The following PCBP3 variants were observed in gnomAD, a reference collection of about 807,000 sequenced individuals.
PCBP3 encodes poly(rC)-binding protein 3.
Under a neutral mutation model 52.7 loss-of-function variants are expected in PCBP3, and 25 were observed. The observed-to-expected ratio is 0.47, with a 90% CI of 0.35 to 0.66. The LOEUF (loss-of-function observed/expected upper bound fraction) is 0.66. PCBP3 is among the 30% of genes least tolerant of loss of function. The pLI, the probability that PCBP3 is intolerant of heterozygous loss-of-function variation, is 0.01. For missense variants in PCBP3, 391 were observed against 490.3 expected, an observed-to-expected ratio of 0.80 and a Z score of 1.91; for synonymous variants, 162 against 183.0, an observed-to-expected ratio of 0.89 and a Z score of 0.93.
rs78941976 is a variant in PCBP3, at chr21:45,855,347, C to T, written c.10+5252C>T. On this transcript the variant is annotated intron_variant, in intron 5 of 17. Transcript: ENST00000681687. ...GGAGAGGGCTGGGCATTCTCCCACA[C>T]TCATCCCCAGCTTCACATACACACA... Among the ~76,000 whole-genome samples, 745 of 152,298 alleles carry T rather than the reference C, an allele frequency of 4.9e-3. 4 individuals carry two copies. Among genetic ancestry groups the T allele is most frequent in the African/African-American group, 0.017 (707 of 41,548 alleles).
chr21:45,755,230 C>T (rs2087918664), intron 3 of PCBP3, among the ~76,000 whole-genome samples, 187 bp from the exon 4 acceptor site: 1 of 152,136 alleles, frequency 6.6e-6, no homozygotes, highest in African/African-American at 2.4e-5. Flanking sequence ...TTATCCCTTG[C>T]CCATGATACT....
chr21:45,893,605 G>C (rs1569456610), intron 5 of PCBP3, among the ~76,000 whole-genome samples: 4 of 151,546 alleles, frequency 2.6e-5, no homozygotes, highest in African/African-American at 9.7e-5. Flanking sequence ...CCCGGGTGCA[G>C]ACGGGGGGTG....
chr21:45,907,058 G>T (rs78881698), intron 9 of PCBP3, among the ~76,000 whole-genome samples: 459 of 152,358 alleles, frequency 3.0e-3, no homozygotes, highest in African/African-American at 0.01. Context: ...GCCAGGCGGA[G>T]GCCGGCCGCC....
At chr21:45,660,519 A>G (rs969030858) in intron 1 of PCBP3, among the ~76,000 whole-genome samples, 9 of 152,134 alleles carry the variant, frequency 5.9e-5, no homozygotes, top group African/African-American at 9.7e-5. Context: ...TCTCTATGCA[A>G]TGTCTTTTTG....
chr21:45,803,040 G>A (rs914242), intron 4 of PCBP3, among the ~76,000 whole-genome samples: 59,340 of 152,134 alleles, frequency 0.39, 12,323 homozygotes, highest in Non-Finnish European at 0.46. Context: ...GTTTTGTTGT[G>A]CAAACACTTG....
chr21:45,892,736 G>A (rs996756817), intron 5 of PCBP3, among the ~76,000 whole-genome samples: 1 of 152,192 alleles, frequency 6.6e-6, no homozygotes, highest in African/African-American at 2.4e-5. Context: ...CTGCACCCCA[G>A]GTCTATGCAT....
rs1366169142 is a variant in PCBP3, at chr21:45,735,704, C to T, written c.-162+275C>T. Among the ~76,000 whole-genome samples the T allele has an allele frequency of 1.3e-5, 2 of 152,200 alleles. No individual in the cohort carries two copies. Among genetic ancestry groups the T allele is most frequent in the Non-Finnish European group, 2.9e-5 (2 of 68,020 alleles). ...CTCCCTCTCTGGTAACCTTTCTCCA[C>T]AGTTAACCTGACCATGTAGACCAGC... is the stretch of plus-strand genomic sequence containing the variant. On this transcript the variant is annotated intron_variant, in intron 3 of 17. Transcript: ENST00000681687. This position sits in a 1 kb window ranked among gnomAD's most constrained non-coding sequence, Gnocchi z 4.0.
intron 1 of PCBP3, among the ~76,000 whole-genome samples, chr21:45,660,149 A>ATATATATATG (rs1472975341): frequency 6.6e-6 from 1 of 151,592 alleles, no homozygotes; most frequent in Non-Finnish European, 1.5e-5. Flanking sequence ...ACACACACAC[A>ATATATATATG]TATATATATG....
chr21:45,930,348 C>T (rs567592685), intron 14 of PCBP3, among the ~76,000 whole-genome samples: 11 of 152,298 alleles, frequency 7.2e-5, no homozygotes, highest in Admixed American at 4.6e-4. Flanking sequence ...CCCACTGGGC[C>T]GCCCTGGAGG....
At chr21:45,700,076 G>A (rs2083020416) in intron 2 of PCBP3, among the ~76,000 whole-genome samples, 1 of 152,190 alleles carries the variant, frequency 6.6e-6, no homozygotes, top group African/African-American at 2.4e-5. Context: ...TCAAGAAGCT[G>A]AGGGACAGGA....
chr21:45,908,966 C>G (rs879305894), intron 9 of PCBP3, among the ~76,000 whole-genome samples: 1 of 152,172 alleles, frequency 6.6e-6, no homozygotes, highest in Non-Finnish European at 1.5e-5. Context: ...CCTGCCTTAC[C>G]TGGCTCTGGG....
intron 4 of PCBP3, among the ~76,000 whole-genome samples, chr21:45,809,516 T>C (rs1430199435): frequency 6.6e-6 from 1 of 152,180 alleles, no homozygotes; most frequent in Non-Finnish European, 1.5e-5. Context: ...GGCTGGGGCC[T>C]GTCAGCCTGG....
intron 2 of PCBP3, among the ~76,000 whole-genome samples, chr21:45,725,230 G>T (rs2084941780): frequency 6.6e-6 from 1 of 151,982 alleles, no homozygotes; most frequent in Non-Finnish European, 1.5e-5. Context: ...CCTGCGCTTG[G>T]GAAGTGCCCT....
intron 4 of PCBP3, among the ~76,000 whole-genome samples, chr21:45,784,875 G>A (rs2090982845): frequency 6.6e-6 from 1 of 152,190 alleles, no homozygotes; most frequent in South Asian, 2.1e-4. Context: ...CCTCTGCCCG[G>A]CCGCCACCCC....
chr21:45,737,420 T>A lies in PCBP3; in HGVS notation c.-162+1991T>A, dbSNP rs1052851594. Among the ~76,000 whole-genome samples the A allele has an allele frequency of 6.6e-6, 1 of 152,248 alleles. No homozygotes were observed. The highest frequency in any genetic ancestry group is 6.5e-5 in the Admixed American group (1 of 15,288). ...CTCTCAAGGGAAGAGCCTCTGGGAC[T>A]CAGACAGATAAACAACACCTGTTAT... is the stretch of plus-strand genomic sequence containing the variant. On this transcript the variant is annotated intron_variant, in intron 3 of 17. Transcript: ENST00000681687. This position sits in a 1 kb window ranked among gnomAD's most constrained non-coding sequence, Gnocchi z 4.9.
intron 2 of PCBP3, among the ~76,000 whole-genome samples, chr21:45,731,549 C>G (rs531820613): frequency 5.3e-4 from 80 of 152,328 alleles, no homozygotes; most frequent in Middle Eastern, 6.8e-3. Flanking sequence ...TTTTGTTTCA[C>G]CAGCACTGGG....
chr21:45,909,542 G>A, intron 10 of PCBP3, 56 bp downstream of exon 10: 1 of 1,570,472 alleles, frequency 6.4e-7, no homozygotes, highest in Non-Finnish European at 8.7e-7. Context: ...GGCTGCGGGT[G>A]GTGGCCACAG....
At chr21:45,846,011 G>C (rs893430721) in intron 4 of PCBP3, among the ~76,000 whole-genome samples, 1 of 152,220 alleles carries the variant, frequency 6.6e-6, no homozygotes, top group Admixed American at 6.5e-5. Flanking sequence ...CACTGAAAAG[G>C]GAGCTGCAGA....
In PCBP3 at chr21:45,917,419, C is replaced by T. The variant is rs1726840581; in HGVS notation, c.676-169C>T. On this transcript the variant is annotated intron_variant, in intron 12 of 17. Transcript: ENST00000681687. The surrounding 1 kb of genome is among the most constrained non-coding windows in gnomAD (Gnocchi z 5.3). ...AAGTGGGTGCGGCTCCCCTGGGGCT[C>T]CTGGTGCCCTGGGAGGGTTGGCCCT... 3 of 575,964 alleles carry T rather than the reference C, an allele frequency of 5.2e-6. No individual in the cohort carries two copies. The highest frequency in any genetic ancestry group is 4.0e-5 in the South Asian group (2 of 50,358). 35.7% of individuals were successfully genotyped at this position (575,964 alleles called of 1,614,324 possible).
Sources: gnomAD v4.1 joint callset for allele counts (sites outside exome capture counted in the v4.1 genomes callset) on GRCh38, gnomAD v4.1.1 for gene constraint, Gnocchi (gnomAD v3.1) non-coding constraint, MANE v1.5 for transcripts, NCBI Gene and HGNC (gene_info 2026-07-23, HGNC 2026-07-21) for gene names.